The following IGFBP7 variants were observed in gnomAD, a reference collection of about 807,000 sequenced individuals.
IGFBP7 encodes the protein insulin like growth factor binding protein 7, also known as insulin-like growth factor-binding protein 7.
Under a neutral mutation model 29.4 loss-of-function variants are expected in IGFBP7, and 31 were observed. The observed-to-expected ratio is 1.05, with a 90% CI of 0.79 to 1.42. IGFBP7 has a LOEUF of 1.42. IGFBP7 is among the 40% of genes most tolerant of loss of function. The pLI is 0.00. For missense variants in IGFBP7, 393 were observed against 395.5 expected, an observed-to-expected ratio of 0.99 and a Z score of 0.05; for synonymous variants, 172 against 174.9, an observed-to-expected ratio of 0.98 and a Z score of 0.13.
At chr4:57,066,968 T>G (rs1318074872) in intron 1 of IGFBP7, among the ~76,000 whole-genome samples, 1 of 148,392 alleles carries the variant, frequency 6.7e-6, no homozygotes, top group Admixed American at 7.1e-5. Context: ...AATCTCTTTT[T>G]GGAAGGTTTT....
At chr4:57,103,660 C>CTTTTTTTTTTTTTTT (rs59173874) in intron 1 of IGFBP7, among the ~76,000 whole-genome samples, 3 of 86,480 alleles carry the variant, frequency 3.5e-5, no homozygotes, top group Non-Finnish European at 6.2e-5. Flanking sequence ...TTTTTCTTTT[C>CTTTTTTTTTTTTTTT]TTTTTTTTTT....
intron 2 of IGFBP7, 100 bp downstream of exon 2, chr4:57,040,724 A>C: frequency 1.1e-6 from 1 of 882,172 alleles, no homozygotes; most frequent in Admixed American, 2.0e-5. Flanking sequence ...CGGGAGCCGC[A>C]GTCAACAAAG....
At chr4:57,037,432 A>G (rs1303999325) in intron 2 of IGFBP7, among the ~76,000 whole-genome samples, 4 of 150,302 alleles carry the variant, frequency 2.7e-5, no homozygotes, top group African/African-American at 7.4e-5. Flanking sequence ...GCTGGAGTGC[A>G]GTGGTGCCAT....
chr4:57,086,378 G>A (rs1361802986), intron 1 of IGFBP7, among the ~76,000 whole-genome samples: 1 of 152,148 alleles, frequency 6.6e-6, no homozygotes, highest in Non-Finnish European at 1.5e-5. Context: ...GAGAGTTCAC[G>A]GGACCCAGGC....
intron 1 of IGFBP7, among the ~76,000 whole-genome samples, chr4:57,078,344 C>T (rs1436349006): frequency 1.3e-5 from 2 of 152,162 alleles, no homozygotes; most frequent in Non-Finnish European, 2.9e-5. Flanking sequence ...GATTAAAAAG[C>T]TAGACACCTC....
intron 1 of IGFBP7, chr4:57,073,259 T>A: frequency 1.7e-6 from 1 of 579,790 alleles, no homozygotes; most frequent in Non-Finnish European, 2.8e-6. Flanking sequence ...TTATTATTAG[T>A]CTTTTAAGCC....
At chr4:57,092,853 A>G (rs1013058609) in intron 1 of IGFBP7, among the ~76,000 whole-genome samples, 2 of 151,216 alleles carry the variant, frequency 1.3e-5, no homozygotes, top group Non-Finnish European at 3.0e-5. Context: ...TATAAATAAA[A>G]TTTATAAAAT....
intron 1 of IGFBP7, among the ~76,000 whole-genome samples, chr4:57,067,867 T>C (rs1208367092): frequency 6.6e-6 from 1 of 152,184 alleles, no homozygotes. Context: ...TTTACTTGTT[T>C]TTCATAAAAA....
Position 57,110,249 on chromosome 4 carries a change from AG to A in IGFBP7, c.102del (p.Cys35AlafsTer54), listed in dbSNP as rs1362989660. 2 of 1,394,880 alleles carry A rather than the reference AG, an allele frequency of 1.4e-6. No individual in the cohort carries two copies. Among genetic ancestry groups the A allele is most frequent in the Non-Finnish European group, 1.9e-6 (2 of 1,076,672 alleles). The allele number at this position is 1,394,880 out of a possible 1,614,324, so 86.4% of individuals were successfully genotyped here. On this transcript the variant is annotated frameshift_variant, in exon 1 of 5. Coordinates refer to ENST00000295666, the MANE Select transcript of IGFBP7 (RefSeq NM_001553.3). LOFTEE classifies it high-confidence loss of function. The stretch of plus-strand genomic sequence containing the variant: ...AGGGGCGGGCAGGAGGCCGGCTCGC[AG>A]GGGCCGCAGGTGTCCGAAGAGGAGG... Reference protein sequence around the residue: ...SSSSSSDTCGPCEPASCPPLP... With the variant: ...SSSSSSDTCGXCEPASCPPLP...
intron 1 of IGFBP7, among the ~76,000 whole-genome samples, chr4:57,042,219 T>C (rs1724244023): frequency 6.6e-6 from 1 of 152,228 alleles, no homozygotes; most frequent in African/African-American, 2.4e-5. Flanking sequence ...TCCTTTTTGC[T>C]ATGAAAGTGG....
chr4:57,032,655 G>C, intron 3 of IGFBP7, 103 bp from the exon 4 acceptor site: 1 of 907,318 alleles, frequency 1.1e-6, no homozygotes, highest in South Asian at 1.3e-5. Context: ...ATGACCAGGG[G>C]ATTCATAGCA....
intron 1 of IGFBP7, among the ~76,000 whole-genome samples, chr4:57,085,677 T>C (rs988168143): frequency 6.6e-6 from 1 of 152,226 alleles, no homozygotes; most frequent in Non-Finnish European, 1.5e-5. Flanking sequence ...ATAAAATTTC[T>C]TTCTAGTATG....
rs1726108963 is a variant in IGFBP7, at chr4:57,109,213, A to C, written c.475+664T>G. On this transcript the variant is annotated intron_variant, in intron 1 of 4. Transcript: ENST00000295666. ...CAGGCCGGGATTACTTGAGCTCAGG[A>C]GTTCGAGACCAGCCTAGGCAACATA... Among the ~76,000 whole-genome samples the C allele has an allele frequency of 2.6e-5, 4 of 152,132 alleles. No homozygotes were observed. The South Asian group carries it at 6.2e-4, about 24-fold the overall frequency.
chr4:57,064,106 A>G (rs747153870), intron 1 of IGFBP7, among the ~76,000 whole-genome samples: 1 of 152,248 alleles, frequency 6.6e-6, no homozygotes, highest in Non-Finnish European at 1.5e-5. Flanking sequence ...TGGGAGGCCA[A>G]GGTGGGCAGA....
chr4:57,053,182 A>G (rs75537024), intron 1 of IGFBP7, among the ~76,000 whole-genome samples: 3,595 of 152,074 alleles, frequency 0.024, 58 homozygotes, highest in Non-Finnish European at 0.037. Context: ...ACACCTGGCT[A>G]ATTTTTGTAA....
At chr4:57,109,807 A>G (rs2109812215) in intron 1 of IGFBP7, 70 bp downstream of exon 1, 1 of 1,467,586 alleles carries the variant, frequency 6.8e-7, no homozygotes, top group South Asian at 1.3e-5. Context: ...GCCGCCGCGG[A>G]CGCCCCGTCG....
intron 1 of IGFBP7, among the ~76,000 whole-genome samples, chr4:57,069,086 C>T (rs1022228640): frequency 4.6e-5 from 7 of 152,094 alleles, no homozygotes; most frequent in African/African-American, 7.2e-5. Flanking sequence ...CAGTTTGAAC[C>T]GCCAGGCTTG....
chr4:57,086,075 A>G, intron 1 of IGFBP7, among the ~76,000 whole-genome samples: 1 of 152,230 alleles, frequency 6.6e-6, no homozygotes, highest in Non-Finnish European at 1.5e-5. Context: ...ACAGTTTCAC[A>G]TGGCTTGGGA....
intron 1 of IGFBP7, among the ~76,000 whole-genome samples, chr4:57,061,572 A>G (rs1317122733): frequency 2.6e-5 from 4 of 152,206 alleles, no homozygotes; most frequent in Non-Finnish European, 2.9e-5. Flanking sequence ...GACAGCGTGG[A>G]TACCCACACA....
Sources: gnomAD v4.1 joint callset for allele counts (sites outside exome capture counted in the v4.1 genomes callset) on GRCh38, gnomAD v4.1.1 for gene constraint, MANE v1.5 for transcripts, NCBI Gene and HGNC (gene_info 2026-07-23, HGNC 2026-07-21) for gene names.